The following RAB38 variants were observed in gnomAD, a reference collection of about 807,000 sequenced individuals.
The protein encoded by RAB38 is ras-related protein Rab-38.
A neutral mutation model predicts 18.4 loss-of-function variants in RAB38; 15 were observed. That is an observed-to-expected ratio of 0.82 (90% CI 0.55 to 1.26). The LOEUF is 1.26. Ranked by LOEUF, RAB38 falls within the 50% of genes most tolerant of loss-of-function variation. The probability of loss-of-function intolerance (pLI) is 0.00; values close to 1 mark genes in which losing one functional copy is unlikely to be tolerated. For synonymous variants in RAB38, 101 were observed against 104.4 expected, an observed-to-expected ratio of 0.97 and a Z score of 0.20; for missense variants, 294 against 267.4, an observed-to-expected ratio of 1.10 and a Z score of -0.69.
chr11:87,835,766 C>A, the RAB38 span, among the ~76,000 whole-genome samples: 1 of 152,128 alleles, frequency 6.6e-6, no homozygotes, highest in East Asian at 1.9e-4. Flanking sequence ...TCTGCCAACA[C>A]CTTTATCTTA....
At chr11:88,134,392 C>A (rs1243157713) in intron 2 of RAB38, among the ~76,000 whole-genome samples, 1 of 148,998 alleles carries the variant, frequency 6.7e-6, no homozygotes, top group Non-Finnish European at 1.5e-5. Flanking sequence ...CGGTGTCTGC[C>A]ACCATGCCTG....
At chr11:87,838,543 C>CT in the RAB38 span, among the ~76,000 whole-genome samples, 1 of 152,138 alleles carries the variant, frequency 6.6e-6, no homozygotes, top group Non-Finnish European at 1.5e-5. Flanking sequence ...AGATCTGTCT[C>CT]TTTTGGAGAG....
At chr11:88,029,241 G>A in the RAB38 span, among the ~76,000 whole-genome samples, 1 of 152,050 alleles carries the variant, frequency 6.6e-6, no homozygotes, top group East Asian at 1.9e-4. Flanking sequence ...GCTAAACATT[G>A]AAAGGAACAA....
chr11:88,164,738 A>C (rs1324791021), intron 1 of RAB38, among the ~76,000 whole-genome samples: 1 of 152,098 alleles, frequency 6.6e-6, no homozygotes, highest in African/African-American at 2.4e-5. Context: ...CAATGAAAAA[A>C]TCCAAAACAC....
At chr11:88,008,862 C>G in the RAB38 span, among the ~76,000 whole-genome samples, 1 of 151,998 alleles carries the variant, frequency 6.6e-6, no homozygotes, top group African/African-American at 2.4e-5. Context: ...TTAGTAGAGA[C>G]GGGGTTTCAC....
chr11:88,091,824 T>C, the RAB38 span, among the ~76,000 whole-genome samples: 1 of 151,924 alleles, frequency 6.6e-6, no homozygotes, highest in Admixed American at 6.6e-5. Context: ...CTGCTCTTTA[T>C]GGTCAGCTAA....
the RAB38 span, among the ~76,000 whole-genome samples, chr11:87,907,631 A>T: frequency 2.6e-5 from 4 of 151,548 alleles, no homozygotes; most frequent in African/African-American, 7.2e-5. Context: ...GATATTTTTG[A>T]CATTTCTTTC....
At chr11:87,836,055 T>C in the RAB38 span, among the ~76,000 whole-genome samples, 2 of 152,316 alleles carry the variant, frequency 1.3e-5, no homozygotes, top group East Asian at 3.9e-4. Context: ...ACAGCCATAA[T>C]AATGTGGGGG....
the RAB38 span, among the ~76,000 whole-genome samples, chr11:87,847,849 G>A: frequency 2.6e-5 from 4 of 151,998 alleles, no homozygotes; most frequent in Non-Finnish European, 5.9e-5. Flanking sequence ...CAGTGTCCTG[G>A]GCCAAACATG....
At chr11:87,977,892 G>T in the RAB38 span, among the ~76,000 whole-genome samples, 95,744 of 95,754 alleles carry the variant, frequency 1, 47,867 homozygotes, top group Middle Eastern at 1. Context: ...TGTAGTCATA[G>T]ATTTACATAT....
At chr11:87,879,469 A>G in the RAB38 span, 5 of 151,656 alleles carry the variant, frequency 3.3e-5, no homozygotes, top group Non-Finnish European at 7.4e-5. Flanking sequence ...TAAAAAGGCA[A>G]GACCCACCCT....
the RAB38 span, among the ~76,000 whole-genome samples, chr11:87,895,640 C>T: frequency 6.6e-6 from 1 of 151,620 alleles, no homozygotes; most frequent in Non-Finnish European, 1.5e-5. Context: ...AAAGATTATA[C>T]TACTTCCACT....
chr11:87,929,927 G>T, the RAB38 span, among the ~76,000 whole-genome samples: 1 of 152,030 alleles, frequency 6.6e-6, no homozygotes, highest in Non-Finnish European at 1.5e-5. Context: ...GTATTCCATG[G>T]TGTATATATG....
the RAB38 span, among the ~76,000 whole-genome samples, chr11:87,958,461 T>C: frequency 2.0e-5 from 3 of 152,144 alleles, no homozygotes; most frequent in African/African-American, 4.8e-5. Flanking sequence ...ACCTATCTTA[T>C]TCTTTCCACT....
chr11:87,865,180 T>A, the RAB38 span, among the ~76,000 whole-genome samples: 2 of 151,452 alleles, frequency 1.3e-5, no homozygotes, highest in South Asian at 4.2e-4. Context: ...CTGAATAACA[T>A]CCCCCGAAGA....
the RAB38 span, among the ~76,000 whole-genome samples, chr11:88,062,552 C>G: frequency 2.6e-5 from 4 of 152,172 alleles, no homozygotes; most frequent in African/African-American, 9.7e-5. Flanking sequence ...AATTTTATCA[C>G]TTAAGAAGTA....
chr11:87,818,792 TTAGA>T, the RAB38 span, among the ~76,000 whole-genome samples: 9 of 151,492 alleles, frequency 5.9e-5, no homozygotes, highest in Non-Finnish European at 1.3e-4. Flanking sequence ...ATATAAACAC[TTAGA>T]TAAAGGTATA....
the RAB38 span, among the ~76,000 whole-genome samples, chr11:88,040,934 C>T: frequency 6.6e-6 from 1 of 152,164 alleles, no homozygotes; most frequent in African/African-American, 2.4e-5. Context: ...CTTTACTCAT[C>T]ACCAGTTTAA....
At chr11:88,049,502 A>T in the RAB38 span, among the ~76,000 whole-genome samples, 655 of 150,886 alleles carry the variant, frequency 4.3e-3, 10 homozygotes, top group African/African-American at 0.016. Context: ...CAAATCTTAT[A>T]AAACGGCCCC....
Sources: gnomAD v4.1 joint callset for allele counts (sites outside exome capture counted in the v4.1 genomes callset) on GRCh38, gnomAD v4.1.1 for gene constraint, MANE v1.5 for transcripts, NCBI Gene and HGNC (gene_info 2026-07-23, HGNC 2026-07-21) for gene names.